Variants in SMAD5 observed in about 807,000 individuals in gnomAD.
SMAD5 encodes the protein MAD, mothers against decapentaplegic homolog 5.
SMAD5 carries 9 observed loss-of-function variants against 43.1 expected under a neutral mutation model. The observed-to-expected ratio is 0.21, with a 90% CI of 0.13 to 0.36. SMAD5 has a LOEUF of 0.36. Ranked by LOEUF, SMAD5 falls within the 10% of genes least tolerant of loss-of-function variation. The pLI is 1.00. For synonymous variants in SMAD5, 190 were observed against 192.4 expected, an observed-to-expected ratio of 0.99 and a Z score of 0.10; for missense variants, 348 against 574.0, an observed-to-expected ratio of 0.61 and a Z score of 4.02.
chr5:136,162,795 T>C (rs1753867980), intron 4 of SMAD5, among the ~76,000 whole-genome samples: 1 of 152,168 alleles, frequency 6.6e-6, no homozygotes, highest in African/African-American at 2.4e-5. Flanking sequence ...ACAATTGCTG[T>C]TAGTGTTGAT....
chr5:136,170,339 A>AT lies in SMAD5; in HGVS notation c.776-2086dup, dbSNP rs899083613. 4.6e-5 allele frequency among the ~76,000 whole-genome samples: 7 copies of AT among 151,432 alleles called. No homozygotes were observed. The South Asian group carries it at 8.4e-4, about 18-fold the overall frequency. On this transcript the variant is annotated intron_variant, in intron 5 of 7. Transcript: ENST00000545279. ...GTTTCCTGTATCATTTTTTGAAAAGATTTTTTTTTCTTCCATTGTATTGTC... is the reference window on the plus strand; with the variant it reads ...GTTTCCTGTATCATTTTTTGAAAAGATTTTTTTTTTCTTCCATTGTATTGTC...
At chr5:136,161,914 TGTG>T (rs1413328658) in intron 4 of SMAD5, among the ~76,000 whole-genome samples, 3 of 152,256 alleles carry the variant, frequency 2.0e-5, no homozygotes, top group Non-Finnish European at 4.4e-5. Context: ...GTTAAGTTCT[TGTG>T]GTATATTTCT....
intron 6 of SMAD5, 75 bp from the exon 7 acceptor site, chr5:136,174,301 G>T (rs1371676926): frequency 6.4e-6 from 9 of 1,408,580 alleles, no homozygotes; most frequent in Admixed American, 1.8e-5. Context: ...GGGTACTTTT[G>T]TTGCACCATA....
rs748022174 is a variant in SMAD5 at position 136,177,504 on chromosome 5, T to C, written c.*24T>C. The C allele has an allele frequency of 1.3e-6, 2 of 1,567,944 alleles. No individual in the cohort carries two copies. The highest frequency in any genetic ancestry group is 2.7e-5 in the African/African-American group (2 of 73,784). On this transcript the variant is annotated 3_prime_UTR_variant, in exon 8 of 8. Coordinates refer to ENST00000545279, the MANE Select transcript of SMAD5 (RefSeq NM_005903.7). ...AATGCAGAAGTATTCTTTTCAATTATATTGTTAGTGGACTTGTTTTAATTT... is the reference window on the plus strand; with the variant it reads ...AATGCAGAAGTATTCTTTTCAATTACATTGTTAGTGGACTTGTTTTAATTT...
chr5:136,140,339 C>G (rs1412694883), intron 1 of SMAD5, among the ~76,000 whole-genome samples: 1 of 152,180 alleles, frequency 6.6e-6, no homozygotes, highest in African/African-American at 2.4e-5. Flanking sequence ...GAGCTCTCCA[C>G]TGAGTTCACA....
chr5:136,177,271 A>G, intron 7 of SMAD5, 66 bp from the exon 8 acceptor site: 1 of 1,396,392 alleles, frequency 7.2e-7, no homozygotes, highest in South Asian at 1.2e-5. Flanking sequence ...TTCTTATGGT[A>G]AAATTGGTTT....
intron 7 of SMAD5, among the ~76,000 whole-genome samples, chr5:136,176,014 A>T (rs1213918249): frequency 6.6e-6 from 1 of 152,214 alleles, no homozygotes; most frequent in Non-Finnish European, 1.5e-5. Flanking sequence ...TAAAGATTTC[A>T]GCTCAGTTCA....
At chr5:136,140,349 A>T (rs943508743) in intron 1 of SMAD5, among the ~76,000 whole-genome samples, 2 of 152,168 alleles carry the variant, frequency 1.3e-5, no homozygotes, top group Admixed American at 1.3e-4. Flanking sequence ...CTGAGTTCAC[A>T]GTTTCCTTAG....
intron 4 of SMAD5, among the ~76,000 whole-genome samples, chr5:136,163,016 A>AT (rs1207400787): frequency 6.6e-6 from 1 of 152,216 alleles, no homozygotes; most frequent in African/African-American, 2.4e-5. Context: ...GTTTCAGTGA[A>AT]TTTTAGGACT....
At chr5:136,152,273 A>G (rs1295216065) in intron 2 of SMAD5, among the ~76,000 whole-genome samples, 3 of 152,124 alleles carry the variant, frequency 2.0e-5, no homozygotes, top group Non-Finnish European at 4.4e-5. Flanking sequence ...GTTGAGATTA[A>G]ACCCTACTTG....
In SMAD5 at chr5:136,161,025, C is replaced by T. The variant is rs1207666180; in HGVS notation, c.573C>T (p.Ser191=). 2 of 1,613,908 alleles carry T rather than the reference C, an allele frequency of 1.2e-6. No individual in the cohort carries two copies. Among genetic ancestry groups the T allele is most frequent in the East Asian group, 4.5e-5 (2 of 44,880 alleles). Reference sequence around the variant, plus strand: ...CTCCTTTTCCCTTATCTCCAAACAGCCCTTATCCCCCTTCTCCTGCTAGCA... The same window carrying T: ...CTCCTTTTCCCTTATCTCCAAACAGTCCTTATCCCCCTTCTCCTGCTAGCA... ...NNTPFPLSPN[S]PYPPSPASST... is the part of the protein sequence containing the mutation. Residue 191 remains serine, a synonymous_variant, in exon 4 of 8, where the codon AGC becomes AGT. Transcript: ENST00000545279.
intron 5 of SMAD5, among the ~76,000 whole-genome samples, chr5:136,169,036 G>A (rs1300176364): frequency 1.3e-5 from 2 of 152,188 alleles, no homozygotes; most frequent in Admixed American, 6.5e-5. Flanking sequence ...CCATCTGCAA[G>A]TTGAGGAACA....
Position 136,182,558 on chromosome 5 carries a change from T to C in SMAD5, c.*5078T>C, listed in dbSNP as rs1754669948. 6.6e-6 allele frequency: 1 copy of C among 152,658 alleles called. No homozygotes were observed. The highest frequency in any genetic ancestry group is 6.5e-5 in the Admixed American group (1 of 15,276). The allele number at this position is 152,658 out of a possible 1,614,324, so 9.5% of individuals were successfully genotyped here. A position where few individuals can be genotyped will look rare whatever the true frequency, so the allele number is the denominator to read the frequency against. On this transcript the variant is annotated 3_prime_UTR_variant, in exon 8 of 8. Coordinates refer to ENST00000545279, the MANE Select transcript of SMAD5 (RefSeq NM_005903.7). ...TGCTGCTTATTTGTATTTGTTGTGC[T>C]TCTGTTTATGTTGTAGAAGCTGAAA... is the stretch of plus-strand genomic sequence containing the variant.
At chr5:136,146,125 G>T (rs1753250787) in intron 1 of SMAD5, among the ~76,000 whole-genome samples, 1 of 151,844 alleles carries the variant, frequency 6.6e-6, no homozygotes, top group Non-Finnish European at 1.5e-5. Flanking sequence ...TTAGTGCCTT[G>T]CCTTTTATAG....
At position 136,182,699 on chromosome 5, in the gene SMAD5, T is replaced by A. The variant is rs1754674614; in HGVS notation, c.*5219T>A. 1 of 152,650 alleles carries A rather than the reference T, an allele frequency of 6.6e-6. No homozygotes were observed. The highest frequency in any genetic ancestry group is 1.9e-4 in the East Asian group (1 of 5,204). The allele number at this position is 152,650 out of a possible 1,614,324, so 9.5% of individuals were successfully genotyped here. On this transcript the variant is annotated 3_prime_UTR_variant, in exon 8 of 8. Transcript: ENST00000545279. ...AAGAACTTTGTTTTTGCATATTGTT[T>A]GCTAATTCTTTACTTTAATAAACCT...
At chr5:136,144,218 A>G (rs1182524501) in intron 1 of SMAD5, among the ~76,000 whole-genome samples, 1 of 152,004 alleles carries the variant, frequency 6.6e-6, no homozygotes, top group Non-Finnish European at 1.5e-5. Context: ...TTCAAGCTAG[A>G]AGTAGAAATT....
chr5:136,137,416 A>G (rs895365495), intron 1 of SMAD5, among the ~76,000 whole-genome samples: 1 of 152,216 alleles, frequency 6.6e-6, no homozygotes, highest in Non-Finnish European at 1.5e-5. Flanking sequence ...ACCGAAAATA[A>G]TAGAAAAAAA....
rs140920551 is a variant in SMAD5 at position 136,167,984 on chromosome 5, G to C, written c.776-4450G>C. 1.5e-3 allele frequency among the ~76,000 whole-genome samples: 229 copies of C among 152,000 alleles called. 3 individuals carry two copies. The highest frequency in any genetic ancestry group is 5.3e-3 in the African/African-American group (218 of 41,458). On this transcript the variant is annotated intron_variant, in intron 5 of 7. Coordinates refer to ENST00000545279, the MANE Select transcript of SMAD5 (RefSeq NM_005903.7). The stretch of plus-strand genomic sequence containing the variant: ...CTCCGACTAGCTGGGATTATCATAC[G>C]CATGTGCCACCACACCCGGCTAATT...
At chr5:136,161,749 A>G (rs1753832050) in intron 4 of SMAD5, among the ~76,000 whole-genome samples, 1 of 152,204 alleles carries the variant, frequency 6.6e-6, no homozygotes, top group African/African-American at 2.4e-5. Context: ...GTCACTGTCA[A>G]GAAATATTTG....
Sources: gnomAD v4.1 joint callset for allele counts (sites outside exome capture counted in the v4.1 genomes callset) on GRCh38, gnomAD v4.1.1 for gene constraint, MANE v1.5 for transcripts, NCBI Gene and HGNC (gene_info 2026-07-23, HGNC 2026-07-21) for gene names.